DRC9: variants seen among roughly 807,000 people sequenced by gnomAD.
DRC9 encodes dynein regulatory complex protein 9.
chr3:197,904,920 T>C, the DRC9 span, among the ~76,000 whole-genome samples: 74 of 152,250 alleles, frequency 4.9e-4, no homozygotes, highest in African/African-American at 1.7e-3. Context: ...CAGAATGAGA[T>C]TGTGTCATTT....
At chr3:197,956,714 C>T in the DRC9 span, 1 of 150,588 alleles carries the variant, frequency 6.6e-6, no homozygotes, top group Non-Finnish European at 1.5e-5. Context: ...ACCTCAACCT[C>T]AACCTCCTCG....
chr3:197,950,974 G>A, the DRC9 span: 1 of 1,613,816 alleles, frequency 6.2e-7, no homozygotes, highest in Non-Finnish European at 8.5e-7. Context: ...AACTATGTCT[G>A]GAAGGTACGC....
At chr3:197,936,622 C>A in the DRC9 span, among the ~76,000 whole-genome samples, 281 of 152,296 alleles carry the variant, frequency 1.8e-3, 1 homozygote, top group African/African-American at 6.5e-3. Context: ...CTTGGCCTCC[C>A]AAAGCATTAG....
At chr3:197,947,379 A>G in the DRC9 span, among the ~76,000 whole-genome samples, 1 of 152,158 alleles carries the variant, frequency 6.6e-6, no homozygotes, top group East Asian at 1.9e-4. Context: ...CTTAGGACAA[A>G]GAAGAAAATT....
At chr3:197,903,525 A>G in the DRC9 span, among the ~76,000 whole-genome samples, 3 of 152,250 alleles carry the variant, frequency 2.0e-5, no homozygotes, top group African/African-American at 7.2e-5. Context: ...AGTCCCAGCT[A>G]CTTGGGAGGC....
the DRC9 span, among the ~76,000 whole-genome samples, chr3:197,934,082 A>C: frequency 6.8e-6 from 1 of 147,946 alleles, no homozygotes; most frequent in African/African-American, 2.5e-5. Context: ...TTCTGCATCT[A>C]TTGATCTTTC....
chr3:197,944,143 G>A, the DRC9 span: 13 of 1,127,780 alleles, frequency 1.2e-5, no homozygotes, highest in Middle Eastern at 2.8e-4. Context: ...CTGGGCTCCT[G>A]TGATATTCAC....
chr3:197,948,606 C>T, the DRC9 span, among the ~76,000 whole-genome samples: 1 of 152,318 alleles, frequency 6.6e-6, no homozygotes, highest in African/African-American at 2.4e-5. Context: ...AGAACTTTGA[C>T]AAATCAATAT....
At chr3:197,900,835 T>G in the DRC9 span, among the ~76,000 whole-genome samples, 719 of 152,298 alleles carry the variant, frequency 4.7e-3, 7 homozygotes, top group East Asian at 0.03. This position sits in a 1 kb window ranked among gnomAD's most constrained non-coding sequence, Gnocchi z 4.7. Flanking sequence ...TAGACACACC[T>G]TGGGCCAGAA....
chr3:197,912,093 T>C, the DRC9 span, among the ~76,000 whole-genome samples: 1 of 151,750 alleles, frequency 6.6e-6, no homozygotes, highest in Non-Finnish European at 1.5e-5. Flanking sequence ...TAGGCTGGAG[T>C]ACGGTGGCGT....
the DRC9 span, among the ~76,000 whole-genome samples, chr3:197,947,031 G>A: frequency 2.6e-5 from 4 of 152,024 alleles, no homozygotes; most frequent in African/African-American, 4.8e-5. Flanking sequence ...GGCTGGTCTC[G>A]AACTCTTGAC....
the DRC9 span, among the ~76,000 whole-genome samples, chr3:197,942,558 G>A: frequency 7.3e-4 from 110 of 149,914 alleles, 1 homozygote; most frequent in African/African-American, 2.6e-3. Context: ...CAAACAAAAT[G>A]AAAAAAAAAG....
At chr3:197,955,940 G>T in the DRC9 span, 1 of 648,642 alleles carries the variant, frequency 1.5e-6, no homozygotes, top group Non-Finnish European at 2.8e-6. Context: ...AAAATTACAG[G>T]GCGAGTACAG....
chr3:197,907,058 C>G, the DRC9 span, among the ~76,000 whole-genome samples: 1 of 152,140 alleles, frequency 6.6e-6, no homozygotes, highest in Non-Finnish European at 1.5e-5. Flanking sequence ...ATTAAGTGCT[C>G]CCAATTATCC....
the DRC9 span, chr3:197,926,173 C>T: frequency 1.2e-6 from 1 of 842,166 alleles, no homozygotes; most frequent in Admixed American, 2.0e-5. Flanking sequence ...CAAGGACCAC[C>T]CCGCACATAA....
chr3:197,909,937 C>T, the DRC9 span, among the ~76,000 whole-genome samples: 19 of 152,058 alleles, frequency 1.2e-4, no homozygotes, highest in Non-Finnish European at 1.5e-5. Flanking sequence ...TTGCAGTGAG[C>T]CGAGATCGCG....
At chr3:197,946,226 G>A in the DRC9 span, among the ~76,000 whole-genome samples, 1 of 151,984 alleles carries the variant, frequency 6.6e-6, no homozygotes, top group Non-Finnish European at 1.5e-5. Context: ...ACAAGGTCAG[G>A]AGATCGAGAC....
At chr3:197,944,104 T>C in the DRC9 span, 22 of 1,535,102 alleles carry the variant, frequency 1.4e-5, no homozygotes, top group East Asian at 4.9e-4. Flanking sequence ...TAAACATTAC[T>C]TTAACTCAAA....
the DRC9 span, among the ~76,000 whole-genome samples, chr3:197,904,591 G>A: frequency 1.5e-4 from 23 of 152,288 alleles, 1 homozygote; most frequent in East Asian, 2.7e-3. Flanking sequence ...GGGGCCGGGC[G>A]TGGTGGCTCA....
Sources: allele counts gnomAD v4.1 joint callset (sites outside exome capture counted in the v4.1 genomes callset), GRCh38; gene constraint gnomAD v4.1.1; non-coding constraint Gnocchi (gnomAD v3.1); transcripts MANE v1.5; gene names NCBI Gene and HGNC (gene_info 2026-07-23, HGNC 2026-07-21).